Variants in DISC1 observed in about 807,000 individuals in gnomAD.
DISC1 encodes disrupted in schizophrenia 1 protein.
Under a neutral mutation model 84.5 loss-of-function variants are expected in DISC1, and 57 were observed. The ratio of observed to expected loss-of-function variants is 0.67; its 90% CI spans 0.55 to 0.84. The LOEUF (loss-of-function observed/expected upper bound fraction) is 0.84, where lower values mean the gene tolerates loss of function less well. DISC1 is among the 40% of genes least tolerant of loss of function. DISC1 has a pLI of 0.00. For missense variants in DISC1, 1,000 were observed against 1,057.8 expected, an observed-to-expected ratio of 0.95 and a Z score of 0.76; for synonymous variants, 411 against 415.2, an observed-to-expected ratio of 0.99 and a Z score of 0.12.
chr1:231,627,153 C>T (rs2125053836), intron 1 of DISC1, among the ~76,000 whole-genome samples: 1 of 152,332 alleles, frequency 6.6e-6, no homozygotes, highest in Non-Finnish European at 1.5e-5. Context: ...GGCCAGGTCC[C>T]TGACCCAGGA....
At chr1:231,736,133 G>A (rs762864302) in intron 3 of DISC1, among the ~76,000 whole-genome samples, 5 of 152,090 alleles carry the variant, frequency 3.3e-5, no homozygotes, top group African/African-American at 9.7e-5. Flanking sequence ...TATTTATTCA[G>A]CATTCACCAG....
chr1:231,785,221 CTGTGTG>C (rs71573141), intron 6 of DISC1, among the ~76,000 whole-genome samples: 32,606 of 135,996 alleles, frequency 0.24, 4,604 homozygotes, highest in East Asian at 0.39. Context: ...ACAGATTTGT[CTGTGTG>C]TGTGTGTGTG....
chr1:231,699,013 A>G (rs2066061392), intron 2 of DISC1, among the ~76,000 whole-genome samples: 1 of 152,190 alleles, frequency 6.6e-6, no homozygotes. Context: ...TAGAGGCTCA[A>G]CACAACAAAA....
chr1:231,648,570 A>G (rs1172994904), intron 1 of DISC1, among the ~76,000 whole-genome samples: 1 of 152,222 alleles, frequency 6.6e-6, no homozygotes, highest in Non-Finnish European at 1.5e-5. Flanking sequence ...TGCTGGCCTC[A>G]TAAAATGAGT....
chr1:231,664,520 G>A (rs2061843066), intron 1 of DISC1, among the ~76,000 whole-genome samples: 1 of 152,118 alleles, frequency 6.6e-6, no homozygotes, highest in South Asian at 2.1e-4. Context: ...TGAACCCAAT[G>A]TAATCATAGG....
chr1:231,911,824 A>G (rs2126055536), intron 9 of DISC1, among the ~76,000 whole-genome samples: 1 of 152,234 alleles, frequency 6.6e-6, no homozygotes, highest in South Asian at 2.1e-4. Flanking sequence ...TCAGACGTAG[A>G]CTTGGTCTTT....
intron 3 of DISC1, among the ~76,000 whole-genome samples, chr1:231,738,545 T>C (rs1204621790): frequency 1.3e-5 from 2 of 152,098 alleles, no homozygotes; most frequent in Non-Finnish European, 1.5e-5. Context: ...AATGATACTG[T>C]GCGTTCACAT....
chr1:231,881,126 A>T (rs1470999918), intron 9 of DISC1, among the ~76,000 whole-genome samples: 1 of 152,092 alleles, frequency 6.6e-6, no homozygotes, highest in African/African-American at 2.4e-5. Context: ...GATGGTTTCA[A>T]CACCATGCTG....
intron 9 of DISC1, among the ~76,000 whole-genome samples, chr1:231,935,804 G>A (rs1375734152): frequency 6.6e-6 from 1 of 152,196 alleles, no homozygotes; most frequent in Non-Finnish European, 1.5e-5. Context: ...ACACTTAATA[G>A]AACACACATG....
chr1:231,664,807 A>T (rs1390941212), intron 1 of DISC1, among the ~76,000 whole-genome samples: 1 of 152,162 alleles, frequency 6.6e-6, no homozygotes, highest in Non-Finnish European at 1.5e-5. Flanking sequence ...GTCCACTTCT[A>T]CATGAATTTT....
chr1:231,861,457 T>G (rs2084643447), intron 9 of DISC1, among the ~76,000 whole-genome samples: 2 of 122,492 alleles, frequency 1.6e-5, no homozygotes, highest in Non-Finnish European at 3.2e-5. Context: ...GACAAGTTTT[T>G]TTTTTTTTTT....
intron 9 of DISC1, chr1:231,943,828 A>G (rs1293765203): frequency 2.0e-5 from 3 of 150,982 alleles, no homozygotes; most frequent in Non-Finnish European, 4.4e-5. Flanking sequence ...GGTTCAAGCT[A>G]TTCTCCTACC....
intron 3 of DISC1, among the ~76,000 whole-genome samples, chr1:231,710,369 C>T (rs1558393065): frequency 1.3e-5 from 2 of 152,068 alleles, no homozygotes; most frequent in Non-Finnish European, 2.9e-5. Context: ...AACAAACAAA[C>T]AAACAACTCA....
At chr1:231,991,270 G>A (rs958353007) in intron 10 of DISC1, among the ~76,000 whole-genome samples, 11 of 152,242 alleles carry the variant, frequency 7.2e-5, no homozygotes, top group Non-Finnish European at 1.6e-4. Context: ...GAAGCCGTAT[G>A]TTCTGAGAAG....
chr1:231,910,316 C>A (rs1313759235), intron 9 of DISC1, among the ~76,000 whole-genome samples: 1 of 152,156 alleles, frequency 6.6e-6, no homozygotes, highest in Non-Finnish European at 1.5e-5. Flanking sequence ...GCATGTAGTG[C>A]TATAAATTTC....
intron 1 of DISC1, among the ~76,000 whole-genome samples, chr1:231,628,249 C>T (rs1041067439): frequency 2.6e-5 from 4 of 152,122 alleles, no homozygotes; most frequent in Admixed American, 1.3e-4. Flanking sequence ...ACAAGATACC[C>T]GCTTTTCGGG....
intron 9 of DISC1, among the ~76,000 whole-genome samples, chr1:231,906,473 T>C (rs2088650108): frequency 6.6e-6 from 1 of 152,218 alleles, no homozygotes; most frequent in African/African-American, 2.4e-5. Context: ...GGGGGTGCTT[T>C]ATGCACGAGG....
chr1:231,629,396 A>C (rs1433994717), intron 1 of DISC1: 1 of 153,212 alleles, frequency 6.5e-6, no homozygotes, highest in Non-Finnish European at 1.5e-5. Flanking sequence ...TTCATTGCTC[A>C]CCCAAGATGC....
chr1:231,676,258 C>T (rs200429857), intron 1 of DISC1, among the ~76,000 whole-genome samples: 9 of 152,154 alleles, frequency 5.9e-5, no homozygotes, highest in Non-Finnish European at 1.2e-4. Flanking sequence ...TTTTAGGTCC[C>T]GATGCTATCA....
Sources: gnomAD v4.1 joint callset for allele counts (sites outside exome capture counted in the v4.1 genomes callset) on GRCh38, gnomAD v4.1.1 for gene constraint, MANE v1.5 for transcripts, NCBI Gene and HGNC (gene_info 2026-07-23, HGNC 2026-07-21) for gene names.